The following TEK variants were observed in gnomAD, a reference collection of about 807,000 sequenced individuals.
TEK encodes angiopoietin-1 receptor.
TEK carries 43 observed loss-of-function variants against 131.8 expected under a neutral mutation model. That is an observed-to-expected ratio of 0.33 (90% CI 0.26 to 0.42). TEK has a LOEUF of 0.42. Ranked by LOEUF, TEK falls within the 10% of genes least tolerant of loss-of-function variation. TEK has a pLI of 1.00. For synonymous variants in TEK, 580 were observed against 491.6 expected (o/e 1.18, Z -2.38); for missense variants, 1,162 against 1,384.4 (o/e 0.84, Z 2.55).
chr9:27,215,152 C>T (rs1825771254), intron 18 of TEK, among the ~76,000 whole-genome samples: 1 of 152,188 alleles, frequency 6.6e-6, no homozygotes, highest in Non-Finnish European at 1.5e-5. Context: ...CCTCCCAAGA[C>T]TAGCACTGGT....
intron 1 of TEK, among the ~76,000 whole-genome samples, chr9:27,154,500 A>G (rs1456501108): frequency 6.6e-6 from 1 of 152,196 alleles, no homozygotes; most frequent in East Asian, 1.9e-4. Context: ...ATATAGGGAA[A>G]AGTCTTCCTT....
At chr9:27,192,235 G>T (rs1405799812) in intron 10 of TEK, among the ~76,000 whole-genome samples, 1 of 152,086 alleles carries the variant, frequency 6.6e-6, no homozygotes, top group African/African-American at 2.4e-5. Flanking sequence ...AAAGACAAAA[G>T]CACCAGAGCA....
intron 1 of TEK, among the ~76,000 whole-genome samples, chr9:27,154,130 T>C (rs1302719647): frequency 6.6e-6 from 1 of 152,172 alleles, no homozygotes; most frequent in Non-Finnish European, 1.5e-5. Context: ...CCAGCTGCCA[T>C]TTTTTTCTCT....
At chr9:27,134,645 A>G (rs1197835483) in intron 1 of TEK, among the ~76,000 whole-genome samples, 1 of 152,178 alleles carries the variant, frequency 6.6e-6, no homozygotes, top group African/African-American at 2.4e-5. Context: ...CCTAGAGTAC[A>G]TGGCAAACTT....
chr9:27,227,691 C>T (rs1206543648), intron 21 of TEK, among the ~76,000 whole-genome samples: 1 of 152,158 alleles, frequency 6.6e-6, no homozygotes, highest in Non-Finnish European at 1.5e-5. Flanking sequence ...ACCTGATCAC[C>T]TCCCAAAGGA....
chr9:27,144,126 AC>A (rs1822828645), intron 1 of TEK, among the ~76,000 whole-genome samples: 1 of 152,178 alleles, frequency 6.6e-6, no homozygotes, highest in African/African-American at 2.4e-5. Flanking sequence ...TACTAAAAAT[AC>A]AAAAATTAGC....
chr9:27,137,524 T>C (rs948854424), intron 1 of TEK, among the ~76,000 whole-genome samples: 10 of 152,150 alleles, frequency 6.6e-5, no homozygotes, highest in Non-Finnish European at 1.2e-4. Flanking sequence ...CAAAACCAGC[T>C]GGCCCTATGG....
chr9:27,123,338 A>G (rs1006702745), intron 1 of TEK, among the ~76,000 whole-genome samples: 5 of 152,150 alleles, frequency 3.3e-5, no homozygotes, highest in African/African-American at 1.2e-4. Context: ...TCATAGGCTC[A>G]AGGTACTAAA....
At chr9:27,169,775 A>G (rs1222865587) in intron 4 of TEK, 146 bp downstream of exon 4, 1 of 1,128,802 alleles carries the variant, frequency 8.9e-7, no homozygotes, top group African/African-American at 1.5e-5. Context: ...CTTATGCTGC[A>G]AAGCAAATGA....
intron 2 of TEK, among the ~76,000 whole-genome samples, chr9:27,167,507 C>G (rs925060809): frequency 6.6e-6 from 1 of 152,136 alleles, no homozygotes; most frequent in Non-Finnish European, 1.5e-5. Context: ...GGATTACAGG[C>G]ATGAGCCACT....
intron 3 of TEK, 54 bp from the exon 4 acceptor site, chr9:27,169,419 CAAGG>C: frequency 6.2e-7 from 1 of 1,609,766 alleles, no homozygotes; most frequent in Non-Finnish European, 8.5e-7. Context: ...AGAAACCAGA[CAAGG>C]AAGCAGGTAT....
rs1821238649 is a variant in TEK at position 27,109,296 on chromosome 9, G to C, written c.-295G>C. ...ACAGATAAGTGTTTTGATGAATTGC[G>C]AGATGGATAGGGCTTGAGTGCCCCC... On this transcript the variant is annotated 5_prime_UTR_variant, in exon 1 of 23. Transcript: ENST00000380036. The C allele has an allele frequency of 1.9e-6, 1 of 540,472 alleles. No individual in the cohort carries two copies. Among genetic ancestry groups the C allele is most frequent in the Non-Finnish European group, 3.2e-6 (1 of 309,300 alleles). 33.5% of individuals were successfully genotyped at this position (540,472 alleles called of 1,614,324 possible). A position where few individuals can be genotyped will look rare whatever the true frequency, so the allele number is the denominator to read the frequency against.
intron 1 of TEK, among the ~76,000 whole-genome samples, chr9:27,138,120 C>T (rs1587503535): frequency 6.6e-6 from 1 of 152,198 alleles, no homozygotes; most frequent in East Asian, 1.9e-4. Context: ...GCCGCAGACC[C>T]TCTCAGTGAG....
intron 21 of TEK, among the ~76,000 whole-genome samples, chr9:27,223,795 T>C (rs7467273): frequency 0.54 from 81,535 of 151,534 alleles, 22,193 homozygotes; most frequent in South Asian, 0.58. Context: ...GACAGGGACA[T>C]GAAAAACCCT....
intron 21 of TEK, among the ~76,000 whole-genome samples, chr9:27,225,515 G>T (rs186027989): frequency 1.3e-5 from 2 of 152,164 alleles, no homozygotes; most frequent in African/African-American, 2.4e-5. Context: ...AATAAATGGC[G>T]TTGGGAAAAC....
At chr9:27,196,322 GT>G (rs1825008045) in intron 11 of TEK, among the ~76,000 whole-genome samples, 1 of 152,134 alleles carries the variant, frequency 6.6e-6, no homozygotes, top group African/African-American at 2.4e-5. Flanking sequence ...CCTATTTTGA[GT>G]GTTTAGGTTT....
intron 2 of TEK, 138 bp from the exon 3 acceptor site, chr9:27,168,357 C>T (rs1449089521): frequency 7.1e-6 from 5 of 700,032 alleles, no homozygotes; most frequent in Admixed American, 6.2e-5. Context: ...ACGCATTAGC[C>T]ACCACTGTTT....
chr9:27,140,694 C>T (rs1822693245), intron 1 of TEK, among the ~76,000 whole-genome samples: 1 of 151,940 alleles, frequency 6.6e-6, no homozygotes, highest in African/African-American at 2.4e-5. Context: ...TTTTAGTCTA[C>T]TTTATCTGTC....
intron 1 of TEK, among the ~76,000 whole-genome samples, chr9:27,143,432 G>C (rs1044030590): frequency 1.3e-5 from 2 of 152,194 alleles, no homozygotes; most frequent in Non-Finnish European, 2.9e-5. Flanking sequence ...CCAGGGAGGG[G>C]GCACACCTTG....
Sources: allele counts gnomAD v4.1 joint callset (sites outside exome capture counted in the v4.1 genomes callset), GRCh38; gene constraint gnomAD v4.1.1; transcripts MANE v1.5; gene names NCBI Gene and HGNC (gene_info 2026-07-23, HGNC 2026-07-21).